Variants in MLF1 observed in about 807,000 individuals in gnomAD.
MLF1 encodes the protein myelodysplasia-myeloid leukemia factor 1.
MLF1 carries 37 observed loss-of-function variants against 38.3 expected under a neutral mutation model. That is an observed-to-expected ratio of 0.96 (90% CI 0.74 to 1.27). The LOEUF (loss-of-function observed/expected upper bound fraction) is 1.27. Ranked by LOEUF, MLF1 falls within the 50% of genes most tolerant of loss-of-function variation. The pLI is 0.00. For synonymous variants in MLF1, 95 were observed against 106.5 expected, an observed-to-expected ratio of 0.89 and a Z score of 0.66; for missense variants, 331 against 349.2, an observed-to-expected ratio of 0.95 and a Z score of 0.42.
intron 1 of MLF1, among the ~76,000 whole-genome samples, chr3:158,571,869 A>G (rs1231982261): frequency 6.3e-4 from 3 of 4,780 alleles, no homozygotes; most frequent in Admixed American, 2.3e-3. Context: ...GCGTGAGGTG[A>G]GGGGAAGGGT....
At chr3:158,581,197 G>C (rs1716294442) in intron 1 of MLF1, among the ~76,000 whole-genome samples, 1 of 152,108 alleles carries the variant, frequency 6.6e-6, no homozygotes, top group Non-Finnish European at 1.5e-5. Flanking sequence ...CAAATTACTG[G>C]AGACTCAGAG....
At chr3:158,574,197 T>C (rs980148174) in intron 1 of MLF1, among the ~76,000 whole-genome samples, 1 of 152,122 alleles carries the variant, frequency 6.6e-6, no homozygotes, top group Non-Finnish European at 1.5e-5. Context: ...GGAAATGAAA[T>C]GGTTAATATA....
intron 3 of MLF1, 128 bp from the exon 4 acceptor site, chr3:158,596,734 C>A: frequency 1.8e-6 from 1 of 541,678 alleles, no homozygotes. Flanking sequence ...TTATCTTTGT[C>A]TGGTTGATTA....
chr3:158,577,579 T>C (rs549834333), intron 1 of MLF1, among the ~76,000 whole-genome samples: 1 of 152,232 alleles, frequency 6.6e-6, no homozygotes, highest in Admixed American at 6.5e-5. Context: ...TTTTAATATA[T>C]AAATTTCTTA....
rs755268002 is a variant in MLF1 at position 158,571,359 on chromosome 3, G to A, written c.47+12G>A. 1 of 1,613,130 alleles carries A rather than the reference G, an allele frequency of 6.2e-7. No individual in the cohort carries two copies. Among genetic ancestry groups the A allele is most frequent in the South Asian group, 1.1e-5 (1 of 91,062 alleles). ...GACCCCTTCTTCTCGTGAGTTACGG[G>A]AGCCAGGAGTCCGGGGTCGCGCGGG... On this transcript the variant is annotated intron_variant, in intron 1 of 7. Transcript: ENST00000466246.
At chr3:158,594,222 T>G (rs1230443727) in intron 3 of MLF1, among the ~76,000 whole-genome samples, 1 of 151,900 alleles carries the variant, frequency 6.6e-6, no homozygotes, top group Non-Finnish European at 1.5e-5. Flanking sequence ...GGAGCACAGA[T>G]GGAAAAAAGC....
At position 158,605,813 on chromosome 3, in the gene MLF1, TG is replaced by T. The variant is rs1181778822; in HGVS notation, c.*612del. 5.6e-6 allele frequency: 1 copy of T among 179,474 alleles called. No individual in the cohort carries two copies. Among genetic ancestry groups the T allele is most frequent in the Non-Finnish European group, 1.2e-5 (1 of 83,742 alleles). The allele number at this position is 179,474 out of a possible 1,614,324, so 11.1% of individuals were successfully genotyped here. ...AAATATTTTAAATTGCTAATGTACATGATTGTTTTGGTTATAATTTATTTAT... is the reference window on the plus strand; with the variant it reads ...AAATATTTTAAATTGCTAATGTACATATTGTTTTGGTTATAATTTATTTAT... On this transcript the variant is annotated 3_prime_UTR_variant, in exon 8 of 8. Coordinates refer to ENST00000466246, the MANE Select transcript of MLF1 (RefSeq NM_001369783.1).
chr3:158,577,577 T>C (rs1206358316), intron 1 of MLF1, among the ~76,000 whole-genome samples: 1 of 152,214 alleles, frequency 6.6e-6, no homozygotes, highest in African/African-American at 2.4e-5. Flanking sequence ...TATTTTAATA[T>C]ATAAATTTCT....
In MLF1 at chr3:158,571,248, A is replaced by G. The variant is rs924557237; in HGVS notation, c.-53A>G. Reference sequence around the variant, plus strand: ...GCTCTTGTCGCGGCCGCGGCGAGTTAACATCGTTTTTCCAATCTGTCCGCG... The same window carrying G: ...GCTCTTGTCGCGGCCGCGGCGAGTTGACATCGTTTTTCCAATCTGTCCGCG... On this transcript the variant is annotated 5_prime_UTR_variant, in exon 1 of 8. Coordinates refer to ENST00000466246, the MANE Select transcript of MLF1 (RefSeq NM_001369783.1). 2 of 1,452,030 alleles carry G rather than the reference A, an allele frequency of 1.4e-6. No homozygotes were observed. The highest frequency in any genetic ancestry group is 2.8e-5 in the African/African-American group (2 of 71,592). The allele number at this position is 1,452,030 out of a possible 1,614,324, so 89.9% of individuals were successfully genotyped here.
At chr3:158,602,535 T>G (rs1356849810) in intron 6 of MLF1, among the ~76,000 whole-genome samples, 1 of 152,132 alleles carries the variant, frequency 6.6e-6, no homozygotes, top group Non-Finnish European at 1.5e-5. Flanking sequence ...TATAATTAGG[T>G]CAGCTGGTCC....
At chr3:158,573,119 G>T (rs910791878) in intron 1 of MLF1, among the ~76,000 whole-genome samples, 2 of 151,194 alleles carry the variant, frequency 1.3e-5, no homozygotes, top group Non-Finnish European at 2.9e-5. Context: ...ATAGGAACAG[G>T]TAATATTTTA....
chr3:158,591,606 G>T (rs1285011451), intron 1 of MLF1, among the ~76,000 whole-genome samples: 2 of 152,150 alleles, frequency 1.3e-5, no homozygotes, highest in Non-Finnish European at 2.9e-5. Flanking sequence ...CCACTGGGCT[G>T]CAGGAAAGCA....
chr3:158,591,777 C>T (rs889508812), intron 1 of MLF1, among the ~76,000 whole-genome samples: 9 of 151,948 alleles, frequency 5.9e-5, no homozygotes, highest in Admixed American at 3.9e-4. Flanking sequence ...TTTAATGAGA[C>T]TTGTGATGAA....
intron 1 of MLF1, chr3:158,573,504 C>G (rs1714900214): frequency 6.6e-6 from 1 of 151,408 alleles, no homozygotes; most frequent in Admixed American, 6.6e-5. Context: ...AAGAAGGCAT[C>G]CAGAAATTGG....
intron 2 of MLF1, 123 bp from the exon 3 acceptor site, chr3:158,593,259 T>A (rs1007524694): frequency 1.4e-6 from 1 of 690,914 alleles, no homozygotes. Context: ...GGGGTTTCTA[T>A]AAAGATGAAT....
intron 1 of MLF1, among the ~76,000 whole-genome samples, chr3:158,575,117 C>T (rs1448454902): frequency 2.0e-5 from 3 of 152,124 alleles, no homozygotes; most frequent in Admixed American, 6.5e-5. Flanking sequence ...AAGAACTCTT[C>T]CTCTGTGCTT....
Position 158,590,128 on chromosome 3 carries a change from T to G in MLF1, c.48-2306T>G, listed in dbSNP as rs74663439. 2.6e-3 allele frequency among the ~76,000 whole-genome samples: 400 copies of G among 152,280 alleles called. 9 individuals carry two copies. The East Asian group carries it at 0.065, about 25-fold the overall frequency. ...GGCAAGTCCAAGACTGGGAAAAAAT[T>G]TAAAACCTGTATCTGATAAAAGTCT... On this transcript the variant is annotated intron_variant, in intron 1 of 7. Coordinates refer to ENST00000466246, the MANE Select transcript of MLF1 (RefSeq NM_001369783.1).
Position 158,593,399 on chromosome 3 carries a change from T to G in MLF1, c.213T>G (p.Leu71=), listed in dbSNP as rs1320853987. The G allele has an allele frequency of 3.8e-6, 6 of 1,561,040 alleles. No individual in the cohort carries two copies. The highest frequency in any genetic ancestry group is 4.3e-6 in the Non-Finnish European group (5 of 1,159,796). ...TTTTCCAGGCAACGAGTTGTTCTCT[T>G]GTGCCTTTTGGCGATTTTGGTGGTA... is the stretch of plus-strand genomic sequence containing the variant. The part of the protein sequence containing the change: ...EDSLTATSCS[L]VPFGDFGGMH... The change falls in exon 3 of 8, where the codon CTT becomes CTG. Residue 71 remains leucine, a synonymous_variant. Coordinates refer to ENST00000466246, the MANE Select transcript of MLF1 (RefSeq NM_001369783.1).
intron 1 of MLF1, among the ~76,000 whole-genome samples, chr3:158,581,307 ATCT>A (rs929645543): frequency 2.0e-5 from 3 of 152,170 alleles, no homozygotes; most frequent in African/African-American, 7.2e-5. Context: ...ATTGGAAAAA[ATCT>A]TCTCATGCTT....
Sources: allele counts gnomAD v4.1 joint callset (sites outside exome capture counted in the v4.1 genomes callset), GRCh38; gene constraint gnomAD v4.1.1; transcripts MANE v1.5; gene names NCBI Gene and HGNC (gene_info 2026-07-23, HGNC 2026-07-21).